The following TFIP11 variants were observed in gnomAD, a reference collection of about 807,000 sequenced individuals.
The protein encoded by TFIP11 is tuftelin-interacting protein 11.
In TFIP11, 86 loss-of-function variants were observed where a neutral mutation model predicts 96.8. The ratio of observed to expected loss-of-function variants is 0.89; its 90% CI spans 0.75 to 1.06. The LOEUF is 1.06. Ranked by LOEUF, TFIP11 falls within the 50% of genes least tolerant of loss-of-function variation. The pLI, the probability that TFIP11 is intolerant of heterozygous loss-of-function variation, is 0.00. For missense variants in TFIP11, 881 were observed against 1,076.7 expected (o/e 0.82, Z 2.54); for synonymous variants, 405 against 395.2 (o/e 1.02, Z -0.29).
In TFIP11 at chr22:26,498,897, G is replaced by A. The variant is rs1922391705; in HGVS notation, c.1408C>T (p.Gln470Ter). 2 of 1,613,738 alleles carry A rather than the reference G, an allele frequency of 1.2e-6. No homozygotes were observed. The highest frequency in any genetic ancestry group is 1.7e-6 in the Non-Finnish European group (2 of 1,179,984). ...ENDQLLSHGG[Q>*]DLSADAFHRL... ...TGAAAGGCATCTGCTGAGAGGTCCTGTCCGCCATGGGACAAGAGCTGGTCA... is the reference window on the plus strand; with the variant it reads ...TGAAAGGCATCTGCTGAGAGGTCCTATCCGCCATGGGACAAGAGCTGGTCA... The change falls in exon 10 of 15, where the codon CAG becomes TAG. Residue 470 changes from glutamine (Q) to a stop codon, truncating the protein, a stop_gained. Coordinates refer to ENST00000407690, the MANE Select transcript of TFIP11 (RefSeq NM_012143.4). LOFTEE classifies it high-confidence loss of function.
intron 4 of TFIP11, 77 bp downstream of exon 4, chr22:26,509,987 G>A (rs773036495): frequency 8.2e-6 from 12 of 1,470,878 alleles, no homozygotes; most frequent in South Asian, 1.2e-5. Flanking sequence ...TACTTATCAG[G>A]GTATCTCCTC....
intron 4 of TFIP11, among the ~76,000 whole-genome samples, 178 bp downstream of exon 4, chr22:26,509,886 G>A (rs1923843718): frequency 1.3e-5 from 2 of 152,104 alleles, no homozygotes; most frequent in Non-Finnish European, 1.5e-5. Context: ...GAATAAATCA[G>A]TGAAAGAGCA....
Position 26,499,497 on chromosome 22 carries a change from G to A in TFIP11, c.936C>T (p.Ala312=), listed in dbSNP as rs749792283. ...CCAGCTCGGGCAGCGCGAAGCCGGG[G>A]GCCTTGGCCTCTTTGCCAGACTGTG... ...QLPQSGKEAK[A]PGFALPELEH... The change falls in exon 9 of 15, where the codon GCC becomes GCT. Residue 312 remains alanine, a synonymous_variant. Coordinates refer to ENST00000407690, the MANE Select transcript of TFIP11 (RefSeq NM_012143.4). 6.2e-7 allele frequency: 1 copy of A among 1,614,190 alleles called. No individual in the cohort carries two copies. The highest frequency in any genetic ancestry group is 2.2e-5 in the East Asian group (1 of 44,896).
intron 6 of TFIP11, chr22:26,505,837 A>T (rs1435274843): frequency 6.5e-6 from 1 of 152,766 alleles, no homozygotes; most frequent in Non-Finnish European, 1.5e-5. Flanking sequence ...CAGCCTCCTG[A>T]GTAGCTGGGA....
Position 26,510,061 on chromosome 22 carries a change from TACCGTTTGCCTCCA to T in TFIP11, c.198_209+2del. ...GTGAAGCAGCCCCCATGCCAGGCAA[TACCGTTTGCCTCCA>T]AAGCTGGGCCTCTCATCATCCGAGT... On this transcript the variant is annotated splice_donor_variant and coding_sequence_variant, in exon 4 of 15. Coordinates refer to ENST00000407690, the MANE Select transcript of TFIP11 (RefSeq NM_012143.4). LOFTEE classifies it high-confidence loss of function. 6.2e-7 allele frequency: 1 copy of T among 1,612,870 alleles called. No homozygotes were observed.
Position 26,496,143 on chromosome 22 carries a change from C to G in TFIP11, c.1779G>C (p.Gln593His). 1 of 1,613,902 alleles carries G rather than the reference C, an allele frequency of 6.2e-7. No individual in the cohort carries two copies. Among genetic ancestry groups the G allele is most frequent in the Non-Finnish European group, 8.5e-7 (1 of 1,180,000 alleles). Residue 593 changes from glutamine (Q) to histidine (H), a missense_variant, in exon 12 of 15, where the codon CAG becomes CAC. By Grantham distance (24) the Gln-to-His change is conservative. Coordinates refer to ENST00000407690, the MANE Select transcript of TFIP11 (RefSeq NM_012143.4). ...CAGGAGTGAAGACATCCTTCCAGGG[C>G]TGGAGGATGAGCTTGGCAGAGGAGT... is the stretch of plus-strand genomic sequence containing the variant. ...PSDSSAKLIL[Q>H]PWKDVFTPGS...
At chr22:26,496,401 C>G in intron 11 of TFIP11, 85 bp from the exon 12 acceptor site, 2 of 1,498,618 alleles carry the variant, frequency 1.3e-6, no homozygotes, top group East Asian at 2.3e-5. Context: ...AAGAGCTGCC[C>G]CTGGAGGAGG....
chr22:26,496,283 GA>G lies in TFIP11; in HGVS notation c.1638del (p.Ile548SerfsTer65). The part of the protein sequence containing the change: ...VENWNPLTDT[V>X]PIHSWIHPWL... Reference sequence around the variant, plus strand: ...CATGGGTGGATCCAAGAGTGGATGGGAACAGTGTCTGTGAGCGGGTTCCAGT... The same window carrying G: ...CATGGGTGGATCCAAGAGTGGATGGGACAGTGTCTGTGAGCGGGTTCCAGT... On this transcript the variant is annotated frameshift_variant, in exon 12 of 15. Coordinates refer to ENST00000407690, the MANE Select transcript of TFIP11 (RefSeq NM_012143.4). LOFTEE classifies it high-confidence loss of function. 6.2e-7 allele frequency: 1 copy of G among 1,608,302 alleles called. No homozygotes were observed. Among genetic ancestry groups the G allele is most frequent in the Non-Finnish European group, 8.5e-7 (1 of 1,175,446 alleles).
intron 6 of TFIP11, among the ~76,000 whole-genome samples, chr22:26,505,703 TTTA>T (rs1468820923): frequency 2.8e-4 from 20 of 72,708 alleles, no homozygotes; most frequent in Admixed American, 2.1e-3. Context: ...ATTCTATTTA[TTTA>T]TTTATTTATT....
At position 26,492,323 on chromosome 22, in the gene TFIP11, G is replaced by T; in HGVS notation, c.2204C>A (p.Thr735Asn). ...GAAGTCCTTCCTCCGCTCCGTGTGG[G>T]TGAGATAGGCAATGTTCTCCCGTGC... ...PGARENIAYL[T>N]HTERRKDFQY... is the part of the protein sequence containing the mutation. Residue 735 changes from threonine (T) to asparagine (N), a missense_variant, in exon 15 of 15, where the codon ACC (threonine) becomes AAC (asparagine). Coordinates refer to ENST00000407690, the MANE Select transcript of TFIP11 (RefSeq NM_012143.4). The T allele has an allele frequency of 1.2e-6, 2 of 1,614,204 alleles. No homozygotes were observed. The highest frequency in any genetic ancestry group is 1.7e-6 in the Non-Finnish European group (2 of 1,180,042).
At chr22:26,493,868 G>C (rs1255553590) in intron 14 of TFIP11, 1 of 428,592 alleles carries the variant, frequency 2.3e-6, no homozygotes, top group South Asian at 2.3e-5. Flanking sequence ...TAAGAGGGCG[G>C]GGCCTGGGGT....
intron 5 of TFIP11, 134 bp from the exon 6 acceptor site, chr22:26,506,593 G>T (rs928855173): frequency 1.2e-5 from 16 of 1,302,460 alleles, no homozygotes; most frequent in East Asian, 7.3e-5. Context: ...AAAAATGTGT[G>T]TGATAACGTG....
intron 12 of TFIP11, 132 bp from the exon 13 acceptor site, chr22:26,495,071 T>C: frequency 8.2e-7 from 1 of 1,217,520 alleles, no homozygotes. Context: ...AAGTGACTCT[T>C]GTGCCTCAGC....
At chr22:26,499,808 C>T (rs1234848925) in intron 8 of TFIP11, among the ~76,000 whole-genome samples, 177 bp from the exon 9 acceptor site, 1 of 152,146 alleles carries the variant, frequency 6.6e-6, no homozygotes, top group Non-Finnish European at 1.5e-5. Flanking sequence ...AAAGGAGACT[C>T]CAGGGACAAA....
At chr22:26,494,690 A>T in intron 13 of TFIP11, 107 bp downstream of exon 13, 1 of 1,472,564 alleles carries the variant, frequency 6.8e-7, no homozygotes, top group Non-Finnish European at 9.3e-7. Flanking sequence ...CCTACCATGT[A>T]ATTTATTTTC....
At chr22:26,497,385 T>C (rs922472008) in intron 10 of TFIP11, among the ~76,000 whole-genome samples, 2 of 152,236 alleles carry the variant, frequency 1.3e-5, no homozygotes, top group African/African-American at 4.8e-5. Context: ...AGACAGAGGC[T>C]GTCTGCTGTG....
At chr22:26,509,893 AG>A (rs1246380838) in intron 4 of TFIP11, among the ~76,000 whole-genome samples, 170 bp downstream of exon 4, 5 of 152,164 alleles carry the variant, frequency 3.3e-5, no homozygotes, top group African/African-American at 1.2e-4. Context: ...TCAGTGAAAG[AG>A]CAGCACTCTA....
rs879792248 is a variant in TFIP11, at chr22:26,500,767, A to T, written c.801+1133T>A. ...CGTCCAGATAACAGCACGTTTGAGA[A>T]CCCCACTAAAGGCTTTCTTTGAGGT... On this transcript the variant is annotated intron_variant, in intron 8 of 14. Coordinates refer to ENST00000407690, the MANE Select transcript of TFIP11 (RefSeq NM_012143.4). Among the ~76,000 whole-genome samples, 9 of 151,754 alleles carry T rather than the reference A, an allele frequency of 5.9e-5. No homozygotes were observed. The East Asian group carries it at 1.3e-3, about 23-fold the overall frequency.
Position 26,499,639 on chromosome 22 carries a change from A to G in TFIP11, c.802-8T>C, listed in dbSNP as rs1216176209. 6.3e-7 allele frequency: 1 copy of G among 1,599,862 alleles called. No individual in the cohort carries two copies. The highest frequency in any genetic ancestry group is 1.7e-4 in the Middle Eastern group (1 of 6,008). On this transcript the variant is annotated splice_region_variant and splice_polypyrimidine_tract_variant and intron_variant, in intron 8 of 14. Coordinates refer to ENST00000407690, the MANE Select transcript of TFIP11 (RefSeq NM_012143.4). ...GCCTGTCATGTCTATGACCTTGGAA[A>G]ACATAGAGGGATGAAGGTTAACACC...
Sources: gnomAD v4.1 joint callset for allele counts (sites outside exome capture counted in the v4.1 genomes callset) on GRCh38, gnomAD v4.1.1 for gene constraint, MANE v1.5 for transcripts, NCBI Gene and HGNC (gene_info 2026-07-23, HGNC 2026-07-21) for gene names.